DLG2: variants seen among roughly 807,000 people sequenced by gnomAD.
DLG2 encodes the protein discs large MAGUK scaffold protein 2.
In DLG2, 45 loss-of-function variants were observed where a neutral mutation model predicts 132.5. The observed-to-expected ratio is 0.34, with a 90% CI of 0.27 to 0.44. The LOEUF (loss-of-function observed/expected upper bound fraction) is 0.44, where lower values mean the gene tolerates loss of function less well. Ranked by LOEUF, DLG2 falls within the 20% of genes least tolerant of loss-of-function variation. DLG2 has a pLI of 1.00. For missense variants in DLG2, 1,045 were observed against 1,196.9 expected (o/e 0.87, Z 1.87); for synonymous variants, 424 against 419.6 (o/e 1.01, Z -0.13).
rs11602863 is a variant in DLG2 at position 83,512,980 on chromosome 11, C to G, written c.2193+19728G>C. On this transcript the variant is annotated intron_variant, in intron 21 of 27. Transcript: ENST00000376104. ...AAGTCTTTGCTATTGTGAATAGTGCCGCAATAAACATACCTGTGCATCTAT... is the reference window on the plus strand; with the variant it reads ...AAGTCTTTGCTATTGTGAATAGTGCGGCAATAAACATACCTGTGCATCTAT... 9.1e-3 allele frequency among the ~76,000 whole-genome samples: 1,382 copies of G among 152,214 alleles called. 9 individuals carry two copies. The highest frequency in any genetic ancestry group is 0.024 in the Middle Eastern group (7 of 294).
chr11:84,529,993 C>A (rs181951256), intron 7 of DLG2, among the ~76,000 whole-genome samples: 29 of 152,112 alleles, frequency 1.9e-4, no homozygotes, highest in African/African-American at 7.0e-4. Context: ...ATGCTGCACA[C>A]CGACGATTAT....
At position 84,934,512 on chromosome 11, in the gene DLG2, TTTG is replaced by T. The variant is rs150014610; in HGVS notation, c.357+177146_357+177148del. On this transcript the variant is annotated intron_variant, in intron 6 of 27. Coordinates refer to ENST00000376104, the MANE Select transcript of DLG2 (RefSeq NM_001142699.3). The stretch of plus-strand genomic sequence containing the variant: ...TCTGTATGGTCCTGGGTGTTTTTTT[TTTG>T]TTTTGTTTTGTTTTTTTTTTTTTTT... Among the ~76,000 whole-genome samples, 277 of 70,122 alleles carry T rather than the reference TTTG, an allele frequency of 4.0e-3. 13 individuals are homozygous for T. Among genetic ancestry groups the T allele is most frequent in the East Asian group, 0.014 (15 of 1,084 alleles). The allele number at this position is 70,122 out of a possible 152,430, so 46.0% of individuals were successfully genotyped here. A position where few individuals can be genotyped will look rare whatever the true frequency, so the allele number is the denominator to read the frequency against.
chr11:83,849,319 TATA>T (rs948485269), intron 16 of DLG2, among the ~76,000 whole-genome samples: 1 of 143,872 alleles, frequency 7.0e-6, no homozygotes, highest in Middle Eastern at 3.4e-3. Flanking sequence ...AAATAATATA[TATA>T]ATAAATTAAT....
At chr11:84,141,866 A>C (rs1328459343) in intron 9 of DLG2, among the ~76,000 whole-genome samples, 2 of 152,154 alleles carry the variant, frequency 1.3e-5, no homozygotes, top group Non-Finnish European at 2.9e-5. Context: ...TTAGTTTTCT[A>C]ATCATAATTC....
intron 6 of DLG2, among the ~76,000 whole-genome samples, chr11:84,634,439 C>T (rs1027157522): frequency 3.3e-5 from 5 of 152,182 alleles, no homozygotes; most frequent in African/African-American, 4.8e-5. Context: ...CAGACTACAA[C>T]CTACTCTTTA....
chr11:85,353,441 G>A (rs1378900723), intron 3 of DLG2, among the ~76,000 whole-genome samples: 1 of 152,090 alleles, frequency 6.6e-6, no homozygotes, highest in Non-Finnish European at 1.5e-5. Context: ...AATTCCTCAA[G>A]GATCTAGAAC....
chr11:84,750,087 A>T (rs2065909955), intron 6 of DLG2, among the ~76,000 whole-genome samples: 1 of 152,152 alleles, frequency 6.6e-6, no homozygotes, highest in African/African-American at 2.4e-5. Context: ...AGAACCACTC[A>T]CTTGTTCCAA....
intron 6 of DLG2, among the ~76,000 whole-genome samples, chr11:84,544,779 C>T (rs1419560735): frequency 1.3e-5 from 2 of 152,078 alleles, no homozygotes; most frequent in African/African-American, 4.8e-5. Flanking sequence ...ATGTAATGCT[C>T]CCTTTGGCTT....
intron 6 of DLG2, among the ~76,000 whole-genome samples, chr11:84,572,618 AG>A (rs1015173377): frequency 2.0e-5 from 3 of 152,030 alleles, no homozygotes; most frequent in Non-Finnish European, 4.4e-5. Flanking sequence ...CAAATTCACT[AG>A]GGGCCCTAAA....
chr11:84,184,405 C>G (rs1226339732), intron 8 of DLG2, among the ~76,000 whole-genome samples: 1 of 151,670 alleles, frequency 6.6e-6, no homozygotes, highest in Non-Finnish European at 1.5e-5. Flanking sequence ...TATCCTTCGC[C>G]CACTTTTTGA....
intron 3 of DLG2, among the ~76,000 whole-genome samples, chr11:85,436,544 C>T (rs2091488657): frequency 6.6e-6 from 1 of 151,984 alleles, no homozygotes; most frequent in South Asian, 2.1e-4. Flanking sequence ...ATGCAGCCAA[C>T]AAACATGAAA....
Position 84,891,637 on chromosome 11 carries a change from A to G in DLG2, c.357+220024T>C, listed in dbSNP as rs151257968. Among the ~76,000 whole-genome samples the G allele has an allele frequency of 2.9e-3, 445 of 152,314 alleles. 3 individuals carry two copies. Among genetic ancestry groups the G allele is most frequent in the African/African-American group, 0.01 (421 of 41,588 alleles). On this transcript the variant is annotated intron_variant, in intron 6 of 27. Transcript: ENST00000376104. ...ATATAGTATTGGCATATTTACAGCC[A>G]TATGTTTTAAAAGGCAGAGGAAATC...
intron 6 of DLG2, among the ~76,000 whole-genome samples, chr11:85,000,835 T>A (rs1393585006): frequency 6.6e-6 from 1 of 152,098 alleles, no homozygotes; most frequent in Non-Finnish European, 1.5e-5. Flanking sequence ...AAATTACACG[T>A]GCAATTTTAA....
chr11:83,677,942 G>T (rs2078058197), intron 18 of DLG2, among the ~76,000 whole-genome samples: 1 of 152,202 alleles, frequency 6.6e-6, no homozygotes, highest in African/African-American at 2.4e-5. Context: ...GTGAGGCAGG[G>T]TTCCACTTGG....
chr11:85,201,760 G>C (rs1448344795), intron 4 of DLG2, among the ~76,000 whole-genome samples: 1 of 149,454 alleles, frequency 6.7e-6, no homozygotes, highest in Non-Finnish European at 1.5e-5. Context: ...AGGCACTAGA[G>C]ACCAACCCTA....
intron 15 of DLG2, among the ~76,000 whole-genome samples, chr11:83,907,101 CTG>C (rs2075143482): frequency 2.0e-5 from 3 of 152,054 alleles, no homozygotes; most frequent in African/African-American, 7.2e-5. Flanking sequence ...AATGTGAAGA[CTG>C]TTTTAAACAG....
chr11:84,603,405 CA>C (rs754435302), intron 6 of DLG2, among the ~76,000 whole-genome samples: 2 of 151,908 alleles, frequency 1.3e-5, no homozygotes, highest in African/African-American at 2.4e-5. Context: ...TGACCTAGAG[CA>C]AGCCATTTAC....
intron 7 of DLG2, among the ~76,000 whole-genome samples, chr11:84,416,773 C>T (rs2098931301): frequency 6.6e-6 from 1 of 152,148 alleles, no homozygotes; most frequent in African/African-American, 2.4e-5. Flanking sequence ...AACACAAGAT[C>T]TCACACAGTA....
chr11:83,795,042 C>T (rs1395824169), intron 17 of DLG2, among the ~76,000 whole-genome samples: 2 of 152,164 alleles, frequency 1.3e-5, no homozygotes, highest in Non-Finnish European at 2.9e-5. Context: ...AAGCAAAAGG[C>T]ATTGTCAAGC....
Sources: gnomAD v4.1 joint callset for allele counts (sites outside exome capture counted in the v4.1 genomes callset) on GRCh38, gnomAD v4.1.1 for gene constraint, MANE v1.5 for transcripts, NCBI Gene and HGNC (gene_info 2026-07-23, HGNC 2026-07-21) for gene names.